Variants in GLYATL1 observed in about 807,000 individuals in gnomAD.
GLYATL1 encodes the protein glycine-N-acyltransferase like 1, also known as glycine N-acyltransferase-like protein 1.
Under a neutral mutation model 20.0 loss-of-function variants are expected in GLYATL1, and 15 were observed. That is an observed-to-expected ratio of 0.75 (90% CI 0.50 to 1.15). GLYATL1 has a LOEUF of 1.15. Among genes scored for constraint, GLYATL1 ranks in the 50% most tolerant of loss-of-function variants. GLYATL1 has a pLI of 0.00. For missense variants in GLYATL1, 380 were observed against 368.5 expected, an observed-to-expected ratio of 1.03 and a Z score of -0.26; for synonymous variants, 151 against 131.5, an observed-to-expected ratio of 1.15 and a Z score of -1.01.
intron 4 of GLYATL1, among the ~76,000 whole-genome samples, chr11:58,950,801 T>C (rs1396504878): frequency 1.3e-5 from 2 of 152,204 alleles, no homozygotes; most frequent in Admixed American, 6.5e-5. Flanking sequence ...AATTTGCATT[T>C]CCCTGACTAG....
chr11:58,908,173 T>G (rs975077916), exon 2 of GLYATL1: 3 of 152,252 alleles, frequency 2.0e-5, no homozygotes, highest in Non-Finnish European at 4.4e-5. Flanking sequence ...AACTCCCAGC[T>G]TGTCTTCTCA....
chr11:58,919,350 C>G (rs189211979), intron 1 of GLYATL1, among the ~76,000 whole-genome samples: 16 of 152,330 alleles, frequency 1.1e-4, no homozygotes, highest in African/African-American at 3.4e-4. Context: ...CCTGATCCCA[C>G]CTCAGATGAG....
chr11:58,943,202 C>A (rs1243599362), intron 1 of GLYATL1: 2 of 1,393,356 alleles, frequency 1.4e-6, no homozygotes, highest in Admixed American at 2.9e-5. Flanking sequence ...AATCATCAGA[C>A]AAAATTGAAA....
intron 1 of GLYATL1, among the ~76,000 whole-genome samples, chr11:58,917,510 T>C (rs956578342): frequency 6.6e-6 from 1 of 152,198 alleles, no homozygotes; most frequent in African/African-American, 2.4e-5. Context: ...AGGCAGTTAA[T>C]CAAGTTGTGA....
intron 1 of GLYATL1, among the ~76,000 whole-genome samples, chr11:58,920,758 C>T (rs1037715198): frequency 2.2e-4 from 34 of 152,326 alleles, no homozygotes; most frequent in African/African-American, 7.7e-4. Context: ...AAGGTGTCCC[C>T]TTTGGTCCAT....
At chr11:58,949,948 A>ACCTTC (rs1554987791) in intron 4 of GLYATL1, among the ~76,000 whole-genome samples, 1 of 149,456 alleles carries the variant, frequency 6.7e-6, no homozygotes, top group Non-Finnish European at 1.5e-5. Flanking sequence ...ATAACCTCTT[A>ACCTTC]CCTCCCCTCC....
intron 1 of GLYATL1, chr11:58,942,468 A>G (rs754569533): frequency 3.3e-5 from 5 of 152,378 alleles, no homozygotes; most frequent in African/African-American, 7.2e-5. Flanking sequence ...GCAGGATGTC[A>G]TAATGGATTG....
intron 1 of GLYATL1, among the ~76,000 whole-genome samples, chr11:58,920,055 G>C (rs1343009677): frequency 1.3e-5 from 2 of 152,170 alleles, no homozygotes; most frequent in African/African-American, 4.8e-5. Flanking sequence ...TCTCCCAGAG[G>C]GGAGGCATAG....
upstream of GLYATL1, among the ~76,000 whole-genome samples, chr11:58,926,584 C>T (rs1160690179): frequency 6.6e-6 from 1 of 152,196 alleles, no homozygotes; most frequent in East Asian, 1.9e-4. Context: ...ACTGCTCTTC[C>T]ATGTTTACCA....
chr11:58,951,132 C>T (rs1037298751), intron 4 of GLYATL1, among the ~76,000 whole-genome samples: 7 of 151,880 alleles, frequency 4.6e-5, no homozygotes, highest in Non-Finnish European at 1.0e-4. Flanking sequence ...TTTTGCTACT[C>T]GAAGATCATA....
chr11:58,919,500 C>T (rs1031607606), intron 1 of GLYATL1, among the ~76,000 whole-genome samples: 41 of 152,282 alleles, frequency 2.7e-4, no homozygotes, highest in African/African-American at 9.9e-4. Flanking sequence ...CTATTTCAGC[C>T]ACCAATGCTG....
intron 4 of GLYATL1, among the ~76,000 whole-genome samples, chr11:58,952,215 T>A (rs981151802): frequency 6.6e-6 from 1 of 152,190 alleles, no homozygotes; most frequent in African/African-American, 2.4e-5. Flanking sequence ...TGTTATTTAA[T>A]TTTTGTCTTT....
chr11:58,932,451 T>C (rs749058371), intron 1 of GLYATL1, among the ~76,000 whole-genome samples: 1 of 152,240 alleles, frequency 6.6e-6, no homozygotes. Flanking sequence ...CAAATATTTA[T>C]TGCTCAAATC....
chr11:58,914,480 G>T (rs1320918078), intron 1 of GLYATL1, among the ~76,000 whole-genome samples: 1 of 152,198 alleles, frequency 6.6e-6, no homozygotes, highest in Non-Finnish European at 1.5e-5. Flanking sequence ...AGAAGCATAA[G>T]GTAAGCTAAT....
At chr11:58,906,420 C>T (rs558597486) in intron 1 of GLYATL1, among the ~76,000 whole-genome samples, 1 of 152,096 alleles carries the variant, frequency 6.6e-6, no homozygotes, top group Non-Finnish European at 1.5e-5. Context: ...AGAGCAGAAA[C>T]TTTATTCACT....
chr11:58,944,535 A>G (rs945476256), intron 2 of GLYATL1, among the ~76,000 whole-genome samples: 3 of 152,202 alleles, frequency 2.0e-5, no homozygotes, highest in Non-Finnish European at 2.9e-5. Flanking sequence ...AAATAAAAAC[A>G]TCTCAATGGT....
At chr11:58,941,359 AG>A (rs1289387895) in intron 1 of GLYATL1, among the ~76,000 whole-genome samples, 1 of 152,032 alleles carries the variant, frequency 6.6e-6, no homozygotes, top group Non-Finnish European at 1.5e-5. Flanking sequence ...GTCCCTACAA[AG>A]GACATGAACT....
intron 1 of GLYATL1, among the ~76,000 whole-genome samples, chr11:58,929,272 A>T (rs905151047): frequency 1.3e-5 from 2 of 152,166 alleles, no homozygotes; most frequent in African/African-American, 4.8e-5. Context: ...GAGATTTAAG[A>T]AGTTCCCTTT....
At chr11:58,955,581 G>GTTGTTGTCTTTCCTT in intron 6 of GLYATL1, 29 bp from the exon 7 acceptor site, 1 of 1,604,310 alleles carries the variant, frequency 6.2e-7, no homozygotes. Flanking sequence ...GGGGATGAAA[G>GTTGTTGTCTTTCCTT]TTGTTGTCTT....
Sources: gnomAD v4.1 joint callset for allele counts (sites outside exome capture counted in the v4.1 genomes callset) on GRCh38, gnomAD v4.1.1 for gene constraint, MANE v1.5 for transcripts, NCBI Gene and HGNC (gene_info 2026-07-23, HGNC 2026-07-21) for gene names.